PTPRT: variants seen among roughly 807,000 people sequenced by gnomAD.
PTPRT encodes protein tyrosine phosphatase receptor type T, also known as receptor-type tyrosine-protein phosphatase T.
A neutral mutation model predicts 176.8 loss-of-function variants in PTPRT; 56 were observed. The observed-to-expected ratio is 0.32, with a 90% confidence interval of 0.26 to 0.40. The LOEUF is 0.40. Ranked by LOEUF, PTPRT falls within the 10% of genes least tolerant of loss-of-function variation. The pLI is 1.00. For missense variants in PTPRT, 1,540 were observed against 1,908.2 expected (o/e 0.81, Z 3.60); for synonymous variants, 783 against 739.0 (o/e 1.06, Z -0.96).
intron 7 of PTPRT, among the ~76,000 whole-genome samples, chr20:42,637,212 T>A (rs576650633): frequency 6.6e-6 from 1 of 152,172 alleles, no homozygotes; most frequent in Non-Finnish European, 1.5e-5. Flanking sequence ...CAGGGAACTA[T>A]GCTTTGAGAA....
chr20:42,280,702 C>T (rs2057125166), intron 13 of PTPRT, among the ~76,000 whole-genome samples: 1 of 152,220 alleles, frequency 6.6e-6, no homozygotes, highest in South Asian at 2.1e-4. Flanking sequence ...TTAAATGTCA[C>T]TGCAATTCTC....
rs554996503 is a variant in PTPRT, at chr20:42,510,421, C to T, written c.1154-37859G>A. 1.1e-4 allele frequency among the ~76,000 whole-genome samples: 17 copies of T among 152,118 alleles called. No individual in the cohort carries two copies. In the South Asian group the frequency reaches 3.5e-3, roughly 32 times the overall value. On this transcript the variant is annotated intron_variant, in intron 7 of 30. Coordinates refer to ENST00000373187, the MANE Select transcript of PTPRT (RefSeq NM_007050.6). Reference sequence around the variant, plus strand: ...TTTGCTTGGGTTATAGTTTTAACTTCCATAGGCATGAATTCACATGCTATA... The same window carrying T: ...TTTGCTTGGGTTATAGTTTTAACTTTCATAGGCATGAATTCACATGCTATA...
At chr20:42,743,376 G>C (rs1223265562) in intron 6 of PTPRT, among the ~76,000 whole-genome samples, 3 of 152,130 alleles carry the variant, frequency 2.0e-5, no homozygotes, top group Non-Finnish European at 4.4e-5. Flanking sequence ...TATGGGTTAG[G>C]GGGGAAAAAA....
In PTPRT at chr20:42,173,885, CTTG is replaced by C. The variant is rs545491274; in HGVS notation, c.2492-12346_2492-12344del. Among the ~76,000 whole-genome samples the C allele has an allele frequency of 5.9e-3, 897 of 152,196 alleles. 1 individual carries two copies. Among genetic ancestry groups the C allele is most frequent in the Non-Finnish European group, 9.8e-3 (666 of 67,982 alleles). On this transcript the variant is annotated intron_variant, in intron 16 of 30. Transcript: ENST00000373187. ...CCATCCATTTATACTTTCAGAGACACTTGTTGTTGAAAATAATGGCCTTAAAAA... is the reference window on the plus strand; with the variant it reads ...CCATCCATTTATACTTTCAGAGACACTTGTTGAAAATAATGGCCTTAAAAA...
At chr20:43,117,331 C>T (rs2013098465) in intron 1 of PTPRT, among the ~76,000 whole-genome samples, 2 of 152,202 alleles carry the variant, frequency 1.3e-5, no homozygotes. Context: ...CAGAAAGCTG[C>T]ATTTACACAC....
intron 15 of PTPRT, among the ~76,000 whole-genome samples, chr20:42,226,585 TAGAA>T (rs1469131401): frequency 2.6e-5 from 4 of 152,188 alleles, no homozygotes; most frequent in African/African-American, 9.6e-5. Context: ...TTGAAACACT[TAGAA>T]AGGCATTTTC....
Position 42,085,794 on chromosome 20 carries a change from C to G in PTPRT, c.3906G>C (p.Glu1302Asp), listed in dbSNP as rs1195276406. Residue 1302 changes from glutamate to aspartate, a missense_variant, in exon 28 of 31, where the codon GAG (glutamate) becomes GAC (aspartate). This residue lies in a region of PTPRT where 342 missense variants were observed against 394.0 expected (regional missense o/e 0.87). Transcript: ENST00000373187. ...CCTCGTCGATGTCTGCGGAGACGAACTCCACCTGGATGGGCCCATAGCACC... is the reference window on the plus strand; with the variant it reads ...CCTCGTCGATGTCTGCGGAGACGAAGTCCACCTGGATGGGCCCATAGCACC... Reference protein sequence around the residue: ...TSGCYGPIQVEFVSADIDEDI... With the variant: ...TSGCYGPIQVDFVSADIDEDI... 6.2e-7 allele frequency: 1 copy of G among 1,613,942 alleles called. No homozygotes were observed. The highest frequency in any genetic ancestry group is 1.7e-5 in the Admixed American group (1 of 60,030).
chr20:42,924,786 A>T (rs974018305), intron 1 of PTPRT, among the ~76,000 whole-genome samples: 1 of 152,236 alleles, frequency 6.6e-6, no homozygotes, highest in Admixed American at 6.5e-5. Flanking sequence ...ATCACAGGTC[A>T]GCTGGATTCA....
chr20:42,172,905 G>T (rs1990138298), intron 16 of PTPRT, among the ~76,000 whole-genome samples: 1 of 152,088 alleles, frequency 6.6e-6, no homozygotes, highest in Non-Finnish European at 1.5e-5. Context: ...CAGCAATAAT[G>T]AAAAGAATTG....
chr20:42,536,147 C>A (rs2072472834), intron 7 of PTPRT, among the ~76,000 whole-genome samples: 1 of 152,172 alleles, frequency 6.6e-6, no homozygotes, highest in East Asian at 1.9e-4. Flanking sequence ...TGTCCCTGCC[C>A]CGGCAGAGCT....
chr20:42,598,061 T>A (rs186933286), intron 7 of PTPRT, among the ~76,000 whole-genome samples: 19 of 152,246 alleles, frequency 1.2e-4, no homozygotes, highest in Non-Finnish European at 2.6e-4. Context: ...TATACTATAG[T>A]AGCAACCCCA....
At position 42,859,722 on chromosome 20, in the gene PTPRT, TAC is replaced by T. The variant is rs932496911; in HGVS notation, c.214+26083_214+26084del. Among the ~76,000 whole-genome samples, 5 of 151,798 alleles carry T rather than the reference TAC, an allele frequency of 3.3e-5. No individual in the cohort carries two copies. In the East Asian group the frequency reaches 9.7e-4, roughly 29 times the overall value. ...CCTCAGCCTCCCGAGCAGCTGGGAC[TAC>T]AGGCACCTGGCACCATGGCCGGCTA... On this transcript the variant is annotated intron_variant, in intron 2 of 30. Transcript: ENST00000373187.
At chr20:42,805,828 T>G (rs1167900698) in intron 2 of PTPRT, among the ~76,000 whole-genome samples, 1 of 152,046 alleles carries the variant, frequency 6.6e-6, no homozygotes, top group East Asian at 1.9e-4. Flanking sequence ...CATATGCAAT[T>G]TATTGAGTCT....
In PTPRT at chr20:42,905,421, A is replaced by C. The variant is rs150549472; in HGVS notation, c.89-19489T>G. On this transcript the variant is annotated intron_variant, in intron 1 of 30. Transcript: ENST00000373187. ...TCATTAAAAAGTCGGGAAACAACAG[A>C]TGCCGGAGAGGATGTGGAGAAATAG... Among the ~76,000 whole-genome samples the C allele has an allele frequency of 4.4e-3, 664 of 152,308 alleles. 6 individuals are homozygous for C. Among genetic ancestry groups the C allele is most frequent in the African/African-American group, 0.015 (623 of 41,556 alleles).
intron 7 of PTPRT, among the ~76,000 whole-genome samples, chr20:42,597,228 A>T (rs2073686800): frequency 1.3e-5 from 2 of 152,170 alleles, no homozygotes; most frequent in African/African-American, 4.8e-5. Flanking sequence ...ACTCTTTTAA[A>T]ATGTCTCAGT....
intron 7 of PTPRT, among the ~76,000 whole-genome samples, chr20:42,523,624 C>A (rs1293215364): frequency 6.6e-6 from 1 of 152,208 alleles, no homozygotes; most frequent in Non-Finnish European, 1.5e-5. Flanking sequence ...ACAACTTAAT[C>A]TGACAATGTC....
At chr20:42,965,535 A>G (rs6093765) in intron 1 of PTPRT, among the ~76,000 whole-genome samples, 16,296 of 152,210 alleles carry the variant, frequency 0.11, 1,961 homozygotes, top group African/African-American at 0.3. Context: ...TGTGTTTAAC[A>G]AACACCTCAT....
At chr20:42,476,657 T>C (rs929456952) in intron 7 of PTPRT, among the ~76,000 whole-genome samples, 2 of 152,216 alleles carry the variant, frequency 1.3e-5, no homozygotes, top group African/African-American at 4.8e-5. Flanking sequence ...AGAAGGACTC[T>C]GGTGAACCTA....
At chr20:43,093,810 C>T (rs562460903) in intron 1 of PTPRT, among the ~76,000 whole-genome samples, 1 of 152,184 alleles carries the variant, frequency 6.6e-6, no homozygotes, top group Non-Finnish European at 1.5e-5. Flanking sequence ...GACGATATTC[C>T]TCTCAGGTCC....
Sources: allele counts gnomAD v4.1 joint callset (sites outside exome capture counted in the v4.1 genomes callset), GRCh38; gene constraint gnomAD v4.1.1; regional missense constraint gnomAD v4.1.1; transcripts MANE v1.5; gene names NCBI Gene and HGNC (gene_info 2026-07-23, HGNC 2026-07-21).